Variants in DPYD observed in about 807,000 individuals in gnomAD.
DPYD encodes dihydropyrimidine dehydrogenase.
Under a neutral mutation model 116.2 loss-of-function variants are expected in DPYD, and 109 were observed. The observed-to-expected ratio is 0.94, with a 90% CI of 0.80 to 1.10. DPYD has a LOEUF of 1.10. Among genes scored for constraint, DPYD ranks in the 50% least tolerant of loss-of-function variants. The pLI is 0.00. For synonymous variants in DPYD, 440 were observed against 432.0 expected, an observed-to-expected ratio of 1.02 and a Z score of -0.23; for missense variants, 1,302 against 1,254.5, an observed-to-expected ratio of 1.04 and a Z score of -0.57.
rs1648944201 is a variant in DPYD at position 97,078,518 on chromosome 1, A to T, written c.*458T>A. ...CTAACTACATTTTCTTAGAAACAGC[A>T]TTAAAATTAAAGGTAATTTTTAATG... On this transcript the variant is annotated 3_prime_UTR_variant, in exon 23 of 23. Transcript: ENST00000370192. 1.1e-5 allele frequency: 2 copies of T among 186,514 alleles called. No individual in the cohort carries two copies. 11.6% of individuals were successfully genotyped at this position (186,514 alleles called of 1,614,324 possible). A position where few individuals can be genotyped will look rare whatever the true frequency, so the allele number is the denominator to read the frequency against.
chr1:97,756,108 A>C lies in DPYD; in HGVS notation c.234-15629T>G, dbSNP rs116809473. ...TAGAAAACATGATGAAAAATGTCTCAATCTCCCAAGCCAACCAAGGGGGAA... is the reference window on the plus strand; with the variant it reads ...TAGAAAACATGATGAAAAATGTCTCCATCTCCCAAGCCAACCAAGGGGGAA... On this transcript the variant is annotated intron_variant, in intron 3 of 22. Coordinates refer to ENST00000370192, the MANE Select transcript of DPYD (RefSeq NM_000110.4). 2.3e-3 allele frequency among the ~76,000 whole-genome samples: 349 copies of C among 152,282 alleles called. 4 individuals are homozygous for C. Among genetic ancestry groups the C allele is most frequent in the African/African-American group, 8.1e-3 (336 of 41,576 alleles).
chr1:97,298,636 A>G (rs1167557691), intron 18 of DPYD, among the ~76,000 whole-genome samples: 1 of 152,164 alleles, frequency 6.6e-6, no homozygotes, highest in Non-Finnish European at 1.5e-5. Flanking sequence ...ATAGTCCTCT[A>G]GATTTAAGGA....
chr1:97,500,122 C>T (rs1324998397), intron 13 of DPYD, among the ~76,000 whole-genome samples: 1 of 151,596 alleles, frequency 6.6e-6, no homozygotes, highest in Non-Finnish European at 1.5e-5. Flanking sequence ...ACTTCCTCAG[C>T]TACAAAGAAC....
At chr1:97,913,144 T>C (rs986271086) in intron 1 of DPYD, among the ~76,000 whole-genome samples, 2 of 152,120 alleles carry the variant, frequency 1.3e-5, no homozygotes, top group African/African-American at 2.4e-5. Flanking sequence ...TATAGTACGA[T>C]TGAACTTTTC....
At chr1:97,134,015 ATAT>A (rs1181962227) in intron 20 of DPYD, among the ~76,000 whole-genome samples, 301 of 18,962 alleles carry the variant, frequency 0.016, 37 homozygotes, top group South Asian at 0.055. Context: ...AAAAAAAAAA[ATAT>A]ATATATATAT....
At chr1:97,125,171 T>C (rs1317388174) in intron 20 of DPYD, among the ~76,000 whole-genome samples, 1 of 152,138 alleles carries the variant, frequency 6.6e-6, no homozygotes, top group Non-Finnish European at 1.5e-5. Context: ...AACTGGATTT[T>C]CAGAAAAGAA....
chr1:97,515,389 C>T (rs1648140346), intron 13 of DPYD, among the ~76,000 whole-genome samples: 1 of 151,874 alleles, frequency 6.6e-6, no homozygotes, highest in African/African-American at 2.4e-5. Flanking sequence ...CAAACCAAAT[C>T]AATTGTGTCC....
At chr1:97,442,016 G>T (rs1675824310) in intron 14 of DPYD, among the ~76,000 whole-genome samples, 1 of 152,106 alleles carries the variant, frequency 6.6e-6, no homozygotes, top group Non-Finnish European at 1.5e-5. Context: ...ACTATTCCCA[G>T]ATATATGTAA....
intron 13 of DPYD, among the ~76,000 whole-genome samples, chr1:97,471,034 C>A (rs552461866): frequency 1.3e-5 from 2 of 152,122 alleles, no homozygotes; most frequent in East Asian, 3.9e-4. Context: ...ACTGCTTGAT[C>A]TGGTAATGGG....
chr1:97,818,547 T>C (rs1041179967), intron 3 of DPYD, among the ~76,000 whole-genome samples: 5 of 152,112 alleles, frequency 3.3e-5, no homozygotes, highest in South Asian at 4.1e-4. Flanking sequence ...TCCAGAAGCA[T>C]TGTTGCCGAC....
intron 20 of DPYD, among the ~76,000 whole-genome samples, chr1:97,104,132 T>C (rs768346477): frequency 1.3e-5 from 2 of 152,132 alleles, no homozygotes; most frequent in African/African-American, 2.4e-5. Flanking sequence ...TATGTGTCCA[T>C]CTGCCCAGCT....
At chr1:97,331,314 G>C (rs1171902896) in intron 16 of DPYD, among the ~76,000 whole-genome samples, 1 of 152,016 alleles carries the variant, frequency 6.6e-6, no homozygotes, top group Non-Finnish European at 1.5e-5. Flanking sequence ...TACAGAAAAA[G>C]AGGAAATTAA....
intron 12 of DPYD, among the ~76,000 whole-genome samples, chr1:97,519,594 G>GTAT (rs1648489130): frequency 6.6e-6 from 1 of 152,056 alleles, no homozygotes; most frequent in African/African-American, 2.4e-5. Flanking sequence ...TCAGTTCTAT[G>GTAT]TATTATTATG....
intron 2 of DPYD, among the ~76,000 whole-genome samples, chr1:97,875,140 T>C (rs1417683120): frequency 6.6e-6 from 1 of 151,982 alleles, no homozygotes; most frequent in Non-Finnish European, 1.5e-5. Context: ...TACAGTGTTG[T>C]TGATAATAGC....
At position 97,721,600 on chromosome 1, in the gene DPYD, T is replaced by G; in HGVS notation, c.393A>C (p.Pro131=). Residue 131 remains proline, a synonymous_variant, in exon 5 of 23, where the codon CCA becomes CCC. Transcript: ENST00000370192. ...PLGLTCGMVC[P]TSDLCVGGCN... ...ATCCACCTACACAAAGATCAGAGGTTGGACATACCATTCCACAAGTCAGAC... is the reference window on the plus strand; with the variant it reads ...ATCCACCTACACAAAGATCAGAGGTGGGACATACCATTCCACAAGTCAGAC... 6.2e-7 allele frequency: 1 copy of G among 1,611,972 alleles called. No individual in the cohort carries two copies. Among genetic ancestry groups the G allele is most frequent in the Admixed American group, 1.7e-5 (1 of 59,766 alleles).
chr1:97,638,632 A>ATGCG (rs931795036), intron 8 of DPYD, among the ~76,000 whole-genome samples: 79 of 152,178 alleles, frequency 5.2e-4, no homozygotes, highest in African/African-American at 1.9e-3. Context: ...TTATTTGCCA[A>ATGCG]TGCAGGCTGT....
At chr1:97,916,199 T>G (rs1571580700) in intron 1 of DPYD, among the ~76,000 whole-genome samples, 1 of 152,188 alleles carries the variant, frequency 6.6e-6, no homozygotes, top group Non-Finnish European at 1.5e-5. Flanking sequence ...TTTTTTATTA[T>G]TATACTTTAA....
At chr1:97,289,554 A>T (rs1665984819) in intron 18 of DPYD, among the ~76,000 whole-genome samples, 2 of 151,806 alleles carry the variant, frequency 1.3e-5, no homozygotes, top group South Asian at 4.2e-4. Flanking sequence ...AATAAATGTA[A>T]TCCAGCATAT....
At chr1:97,715,081 C>A (rs1008932917) in intron 5 of DPYD, among the ~76,000 whole-genome samples, 4 of 152,048 alleles carry the variant, frequency 2.6e-5, no homozygotes, top group African/African-American at 9.7e-5. Context: ...CAACATTGTG[C>A]AGGACACTGG....
Sources: allele counts gnomAD v4.1 joint callset (sites outside exome capture counted in the v4.1 genomes callset), GRCh38; gene constraint gnomAD v4.1.1; transcripts MANE v1.5; gene names NCBI Gene and HGNC (gene_info 2026-07-23, HGNC 2026-07-21).